Variants in ZNF540 observed in about 807,000 individuals in gnomAD.
ZNF540 encodes CTD-3064H18.6.
A neutral mutation model predicts 11.8 loss-of-function variants in ZNF540; 3 were observed. The observed-to-expected ratio is 0.25, with a 90% confidence interval of 0.12 to 0.65. ZNF540 has a LOEUF of 0.65. Among genes scored for constraint, ZNF540 ranks in the 30% least tolerant of loss-of-function variants. The probability of loss-of-function intolerance (pLI) is 0.83; values close to 1 mark genes in which losing one functional copy is unlikely to be tolerated. For missense variants in ZNF540, 709 were observed against 793.1 expected (o/e 0.89, Z 1.27); for synonymous variants, 247 against 259.0 (o/e 0.95, Z 0.45).
chr19:37,557,766 C>T (rs1348224118), intron 1 of ZNF540, among the ~76,000 whole-genome samples: 1 of 152,178 alleles, frequency 6.6e-6, no homozygotes, highest in Non-Finnish European at 1.5e-5. Context: ...AAGATGCGAG[C>T]ATTTGACATC....
intron 1 of ZNF540, among the ~76,000 whole-genome samples, chr19:37,556,992 G>A (rs746235766): frequency 6.6e-6 from 1 of 152,164 alleles, no homozygotes; most frequent in Non-Finnish European, 1.5e-5. Context: ...CGAGGTGAAG[G>A]CCGGTCCATT....
At chr19:37,555,494 T>TA in intron 1 of ZNF540, 1 of 201,034 alleles carries the variant, frequency 5.0e-6, no homozygotes, top group Non-Finnish European at 1.0e-5. Flanking sequence ...ACCCAGTGAT[T>TA]AAAGTAGTTA....
At chr19:37,598,509 G>A in intron 2 of ZNF540, 53 bp downstream of exon 2, 1 of 1,601,640 alleles carries the variant, frequency 6.2e-7, no homozygotes, top group Non-Finnish European at 8.6e-7. Context: ...TAAAGATCAT[G>A]TGAACATTTT....
At chr19:37,565,544 G>GT in intron 1 of ZNF540, 2 of 1,612,334 alleles carry the variant, frequency 1.2e-6, no homozygotes, top group Non-Finnish European at 1.7e-6. Flanking sequence ...CTGATGGTAA[G>GT]TAAGTTGAGA....
intron 1 of ZNF540, chr19:37,565,669 ACATT>A (rs2042829791): frequency 6.2e-7 from 1 of 1,613,468 alleles, no homozygotes; most frequent in Non-Finnish European, 8.5e-7. Context: ...CACATTTCTT[ACATT>A]CATATGGTTT....
At chr19:37,606,422 C>A (rs1349572555) in intron 4 of ZNF540, among the ~76,000 whole-genome samples, 1 of 152,148 alleles carries the variant, frequency 6.6e-6, no homozygotes, top group East Asian at 1.9e-4. Flanking sequence ...TGTCTTAATT[C>A]ATCTTAGTTG....
rs370472937 is a variant in ZNF540, at chr19:37,565,006, A to G, written c.-73+13341A>G. ...AGGTCTTCCCACATTCCTTACATTC[A>G]TAATGTTTCTCACCATGAATTTTCT... On this transcript the variant is annotated intron_variant, in intron 1 of 4. Transcript: ENST00000592533. The G allele has an allele frequency of 6.0e-5, 97 of 1,613,678 alleles. No individual in the cohort carries two copies. In the Middle Eastern group the frequency reaches 1.5e-3, roughly 25 times the overall value.
chr19:37,581,868 GA>G (rs2147192795), intron 1 of ZNF540, among the ~76,000 whole-genome samples: 1 of 148,520 alleles, frequency 6.7e-6, no homozygotes, highest in African/African-American at 2.6e-5. Flanking sequence ...GGTGAACCAG[GA>G]GAATGGCAAA....
chr19:37,568,434 G>T (rs1054752625), intron 1 of ZNF540, among the ~76,000 whole-genome samples: 17 of 151,808 alleles, frequency 1.1e-4, no homozygotes, highest in African/African-American at 3.4e-4. Context: ...GAACAATATG[G>T]TTTATAAAAC....
intron 1 of ZNF540, chr19:37,584,154 G>T (rs747227224): frequency 8.1e-6 from 13 of 1,608,792 alleles, no homozygotes; most frequent in Non-Finnish European, 1.1e-5. Flanking sequence ...GAAGTGAAAT[G>T]AGAAGAAAAT....
rs2044035436 is a variant in ZNF540 at position 37,601,047 on chromosome 19, G to A, written c.174G>A (p.Leu58=). The change falls in exon 4 of 5, where the codon CTG becomes CTA. Residue 58 remains leucine, a synonymous_variant. Transcript: ENST00000316433. ...SGSKPDVITL[L]EQGKEPCVVA... is the part of the protein sequence containing the mutation. ...CAAAGCCAGATGTGATTACCTTACTGGAGCAAGGGAAAGAGCCCTGCGTGG... is the reference window on the plus strand; with the variant it reads ...CAAAGCCAGATGTGATTACCTTACTAGAGCAAGGGAAAGAGCCCTGCGTGG... The A allele has an allele frequency of 1.9e-6, 3 of 1,592,164 alleles. No homozygotes were observed. The Admixed American group carries it at 5.3e-5, about 28-fold the overall frequency.
At chr19:37,578,532 C>A (rs2043326142) in intron 1 of ZNF540, among the ~76,000 whole-genome samples, 1 of 152,206 alleles carries the variant, frequency 6.6e-6, no homozygotes, top group African/African-American at 2.4e-5. Context: ...GCCCCGGATC[C>A]CTGAGCAGCT....
intron 1 of ZNF540, among the ~76,000 whole-genome samples, chr19:37,561,847 G>A (rs564739066): frequency 6.6e-6 from 1 of 152,290 alleles, no homozygotes; most frequent in Admixed American, 6.5e-5. Context: ...GTTAATGACT[G>A]AATAATGAAG....
chr19:37,610,328 T>C (rs1484575892), intron 4 of ZNF540, among the ~76,000 whole-genome samples: 2 of 152,248 alleles, frequency 1.3e-5, no homozygotes, highest in Non-Finnish European at 2.9e-5. Flanking sequence ...TGGGTAGTTA[T>C]TCACTGTTGA....
intron 1 of ZNF540, among the ~76,000 whole-genome samples, chr19:37,561,031 A>C (rs1417842071): frequency 6.7e-6 from 1 of 148,798 alleles, no homozygotes; most frequent in Non-Finnish European, 1.5e-5. Flanking sequence ...GGGCAACAAA[A>C]TAAGACCCTG....
At chr19:37,564,934 A>G in intron 1 of ZNF540, 1 of 1,612,916 alleles carries the variant, frequency 6.2e-7, no homozygotes, top group Non-Finnish European at 8.5e-7. Flanking sequence ...AGGGCTTTTC[A>G]CCTGTATGAA....
Position 37,568,962 on chromosome 19 carries a change from C to CT in ZNF540, c.-73+17309dup, listed in dbSNP as rs879782657. Reference sequence around the variant, plus strand: ...CTGACACTCGGGAAGCCCAAGGCATCTTTTTTTTTTTTGAGATGGAGTCTC... The same window carrying CT: ...CTGACACTCGGGAAGCCCAAGGCATCTTTTTTTTTTTTTGAGATGGAGTCTC... On this transcript the variant is annotated intron_variant, in intron 1 of 4. Transcript: ENST00000592533. 6.1e-3 allele frequency among the ~76,000 whole-genome samples: 892 copies of CT among 145,640 alleles called. 8 individuals are homozygous for CT. The highest frequency in any genetic ancestry group is 0.018 in the African/African-American group (709 of 40,072).
chr19:37,572,986 C>T (rs1016473038), intron 1 of ZNF540, among the ~76,000 whole-genome samples: 8 of 152,268 alleles, frequency 5.3e-5, no homozygotes, highest in African/African-American at 1.4e-4. Context: ...AATATTTGTA[C>T]TAGTAGCTTC....
At chr19:37,559,646 T>A (rs1169086456) in intron 1 of ZNF540, among the ~76,000 whole-genome samples, 1 of 152,210 alleles carries the variant, frequency 6.6e-6, no homozygotes. Flanking sequence ...CTGTTCAAGA[T>A]ACATACTGAA....
Sources: allele counts gnomAD v4.1 joint callset (sites outside exome capture counted in the v4.1 genomes callset), GRCh38; gene constraint gnomAD v4.1.1; transcripts MANE v1.5; gene names NCBI Gene and HGNC (gene_info 2026-07-23, HGNC 2026-07-21).